ATXN10: variants seen among roughly 807,000 people sequenced by gnomAD.
ATXN10 encodes ataxin-10.
ATXN10 carries 28 observed loss-of-function variants against 52.9 expected under a neutral mutation model. That is an observed-to-expected ratio of 0.53 (90% CI 0.39 to 0.73). The LOEUF is 0.73. Ranked by LOEUF, ATXN10 falls within the 30% of genes least tolerant of loss-of-function variation. ATXN10 has a pLI of 0.00. For missense variants in ATXN10, 565 were observed against 577.0 expected, an observed-to-expected ratio of 0.98 and a Z score of 0.21; for synonymous variants, 226 against 221.5, an observed-to-expected ratio of 1.02 and a Z score of -0.18.
chr22:45,833,468 C>T lies in ATXN10; in HGVS notation c.1238-9523C>T, dbSNP rs866003073. Among the ~76,000 whole-genome samples, 2 of 152,202 alleles carry T rather than the reference C, an allele frequency of 1.3e-5. No homozygotes were observed. Among genetic ancestry groups the T allele is most frequent in the African/African-American group, 2.4e-5 (1 of 41,440 alleles). On this transcript the variant is annotated intron_variant, in intron 10 of 11. Coordinates refer to ENST00000252934, the MANE Select transcript of ATXN10 (RefSeq NM_013236.4). The surrounding 1 kb of genome is among the most constrained non-coding windows in gnomAD (Gnocchi z 4.3). ...ACCCTGTTCATGTTCTTCATTTAATCCTTTCTAACTTAGAACTATTTTTGA... is the reference window on the plus strand; with the variant it reads ...ACCCTGTTCATGTTCTTCATTTAATTCTTTCTAACTTAGAACTATTTTTGA...
chr22:45,773,240 T>G (rs1926835659), intron 9 of ATXN10, among the ~76,000 whole-genome samples: 1 of 152,208 alleles, frequency 6.6e-6, no homozygotes, highest in Non-Finnish European at 1.5e-5. Context: ...GAAAAATAGA[T>G]TCTCTGGGAT....
intron 10 of ATXN10, among the ~76,000 whole-genome samples, chr22:45,832,080 A>C (rs947294854): frequency 2.1e-4 from 32 of 152,334 alleles, no homozygotes; most frequent in African/African-American, 6.5e-4. Flanking sequence ...GTATTATTCC[A>C]AAATTTTATT....
intron 9 of ATXN10, among the ~76,000 whole-genome samples, chr22:45,776,135 A>G (rs1419890927): frequency 6.6e-6 from 1 of 152,216 alleles, no homozygotes; most frequent in East Asian, 1.9e-4. Flanking sequence ...CCTACGGTTA[A>G]CCAGAGGTAG....
chr22:45,692,819 A>G (rs41279799), intron 2 of ATXN10, among the ~76,000 whole-genome samples, 177 bp from the exon 3 acceptor site: 1 of 152,226 alleles, frequency 6.6e-6, no homozygotes, highest in African/African-American at 2.4e-5. Flanking sequence ...CTGCATGTAA[A>G]TATAACCTCT....
At position 45,829,975 on chromosome 22, in the gene ATXN10, A is replaced by T. The variant is rs181352111; in HGVS notation, c.1238-13016A>T. On this transcript the variant is annotated intron_variant, in intron 10 of 11. Coordinates refer to ENST00000252934, the MANE Select transcript of ATXN10 (RefSeq NM_013236.4). ...ACTTCCTGATTTTGAAACTTATAAT[A>T]AAGCTACAATAATCAAAACAATGTG... 4.2e-3 allele frequency among the ~76,000 whole-genome samples: 647 copies of T among 152,362 alleles called. 5 individuals carry two copies. Among genetic ancestry groups the T allele is most frequent in the African/African-American group, 0.015 (620 of 41,592 alleles).
chr22:45,759,613 G>A lies in ATXN10; in HGVS notation c.1173+19075G>A, dbSNP rs1454954196. Among the ~76,000 whole-genome samples the A allele has an allele frequency of 6.6e-6, 1 of 152,128 alleles. No individual in the cohort carries two copies. The highest frequency in any genetic ancestry group is 1.5e-5 in the Non-Finnish European group (1 of 68,028). On this transcript the variant is annotated intron_variant, in intron 9 of 11. Transcript: ENST00000252934. This position sits in a 1 kb window ranked among gnomAD's most constrained non-coding sequence, Gnocchi z 5.4. ...GGAAAGGCCTCCTGAGGGAGCTGAGGCTGCACGAGGATGAGCAAGGTTTCA... is the reference window on the plus strand; with the variant it reads ...GGAAAGGCCTCCTGAGGGAGCTGAGACTGCACGAGGATGAGCAAGGTTTCA...
intron 10 of ATXN10, among the ~76,000 whole-genome samples, chr22:45,831,231 GAGTTTC>G (rs1396359197): frequency 1.3e-5 from 2 of 152,240 alleles, no homozygotes; most frequent in Non-Finnish European, 2.9e-5. Flanking sequence ...AATGGGGACT[GAGTTTC>G]AGTTTACAAG....
intron 9 of ATXN10, among the ~76,000 whole-genome samples, chr22:45,747,997 G>A (rs1925800883): frequency 6.6e-6 from 1 of 152,166 alleles, no homozygotes; most frequent in East Asian, 1.9e-4. Flanking sequence ...CCAGGAGTTT[G>A]AGACCAGCCT....
intron 9 of ATXN10, chr22:45,792,945 T>C: frequency 2.9e-6 from 1 of 345,406 alleles, no homozygotes; most frequent in Non-Finnish European, 6.1e-6. Flanking sequence ...ATAGATAAGG[T>C]GAATCAAATG....
Position 45,684,476 on chromosome 22 carries a change from C to T in ATXN10, c.117-5236C>T, listed in dbSNP as rs571426724. Reference sequence around the variant, plus strand: ...GAGTTAAGAATGGTTTTTTACGTTTCTAAATGGTTGGGGAGATGATAAAGT... The same window carrying T: ...GAGTTAAGAATGGTTTTTTACGTTTTTAAATGGTTGGGGAGATGATAAAGT... On this transcript the variant is annotated intron_variant, in intron 1 of 11. Transcript: ENST00000252934. The surrounding 1 kb of genome is among the most constrained non-coding windows in gnomAD (Gnocchi z 4.1). Among the ~76,000 whole-genome samples, 18 of 152,120 alleles carry T rather than the reference C, an allele frequency of 1.2e-4. No homozygotes were observed. The South Asian group carries it at 1.7e-3, about 14-fold the overall frequency.
At chr22:45,815,005 G>C (rs924601928) in intron 10 of ATXN10, among the ~76,000 whole-genome samples, 3 of 152,184 alleles carry the variant, frequency 2.0e-5, no homozygotes, top group African/African-American at 7.2e-5. Context: ...GTGCCAAAAA[G>C]GTTGGGGACT....
intron 9 of ATXN10, among the ~76,000 whole-genome samples, chr22:45,765,687 C>G (rs1926557480): frequency 6.6e-6 from 1 of 152,202 alleles, no homozygotes; most frequent in African/African-American, 2.4e-5. Context: ...CTTACTCTTG[C>G]TGTTCAAAAT....
At chr22:45,691,999 G>A (rs937469304) in intron 2 of ATXN10, among the ~76,000 whole-genome samples, 1 of 152,218 alleles carries the variant, frequency 6.6e-6, no homozygotes, top group Non-Finnish European at 1.5e-5. Context: ...GTCTTCCTGA[G>A]TATCAGTTTT....
rs1209255110 is a variant in ATXN10 at position 45,825,123 on chromosome 22, G to A, written c.1238-17868G>A. 6.6e-6 allele frequency among the ~76,000 whole-genome samples: 1 copy of A among 152,176 alleles called. No homozygotes were observed. Among genetic ancestry groups the A allele is most frequent in the African/African-American group, 2.4e-5 (1 of 41,430 alleles). On this transcript the variant is annotated intron_variant, in intron 10 of 11. Transcript: ENST00000252934. This position sits in a 1 kb window ranked among gnomAD's most constrained non-coding sequence, Gnocchi z 4.5. Reference sequence around the variant, plus strand: ...AAGCAGCTTGTGGGAGCCAGGTAGGGTGGGCCAAAAAGACCCTGACATGCA... The same window carrying A: ...AAGCAGCTTGTGGGAGCCAGGTAGGATGGGCCAAAAAGACCCTGACATGCA...
In ATXN10 at chr22:45,740,419, A is replaced by C; in HGVS notation, c.1054A>C (p.Ser352Arg). 2 of 1,613,970 alleles carry C rather than the reference A, an allele frequency of 1.2e-6. No individual in the cohort carries two copies. Among genetic ancestry groups the C allele is most frequent in the Non-Finnish European group, 1.7e-6 (2 of 1,179,912 alleles). Residue 352 changes from serine (S) to arginine (R), a missense_variant, in exon 9 of 12, where the codon AGT becomes CGT. Coordinates refer to ENST00000252934, the MANE Select transcript of ATXN10 (RefSeq NM_013236.4). ...TGGAAAAGAAACCACAAACATCTTCAGTAATTGTGGTTGCGTGAGAGCAGA... is the reference window on the plus strand; with the variant it reads ...TGGAAAAGAAACCACAAACATCTTCCGTAATTGTGGTTGCGTGAGAGCAGA... ...VAGKETTNIF[S>R]NCGCVRAEGD...
At chr22:45,803,579 G>A (rs559494663) in intron 9 of ATXN10, among the ~76,000 whole-genome samples, 3 of 152,258 alleles carry the variant, frequency 2.0e-5, no homozygotes, top group South Asian at 2.1e-4. Context: ...TGGTGAGGAC[G>A]AGCTGGATTC....
At chr22:45,756,391 T>C (rs1926175848) in intron 9 of ATXN10, among the ~76,000 whole-genome samples, 1 of 152,074 alleles carries the variant, frequency 6.6e-6, no homozygotes, top group Non-Finnish European at 1.5e-5. Flanking sequence ...GTGATCTTCC[T>C]GCCTTGCCTC....
intron 7 of ATXN10, among the ~76,000 whole-genome samples, chr22:45,737,066 A>G (rs1490431749): frequency 6.6e-6 from 1 of 152,226 alleles, no homozygotes; most frequent in East Asian, 1.9e-4. Context: ...GTTTTGTGGC[A>G]TCATTCAAAG....
intron 9 of ATXN10, among the ~76,000 whole-genome samples, chr22:45,755,156 T>C (rs1345597141): frequency 6.6e-6 from 1 of 152,250 alleles, no homozygotes; most frequent in Non-Finnish European, 1.5e-5. Context: ...TTCCTGTGCC[T>C]GCACAGTGCT....
Sources: gnomAD v4.1 joint callset for allele counts (sites outside exome capture counted in the v4.1 genomes callset) on GRCh38, gnomAD v4.1.1 for gene constraint, Gnocchi (gnomAD v3.1) non-coding constraint, MANE v1.5 for transcripts, NCBI Gene and HGNC (gene_info 2026-07-23, HGNC 2026-07-21) for gene names.